Variants in RTN4RL2 observed in about 807,000 individuals in gnomAD.
The protein encoded by RTN4RL2 is reticulon-4 receptor-like 2.
RTN4RL2 carries 9 observed loss-of-function variants against 27.8 expected under a neutral mutation model. That is an observed-to-expected ratio of 0.32 (90% CI 0.20 to 0.57). RTN4RL2 has a LOEUF of 0.57. Among genes scored for constraint, RTN4RL2 ranks in the 20% least tolerant of loss-of-function variants. The pLI is 0.90. For missense variants in RTN4RL2, 436 were observed against 596.8 expected (o/e 0.73, Z 2.81); for synonymous variants, 285 against 297.9 (o/e 0.96, Z 0.45).
At chr11:57,465,058 C>T (rs1590730468) in intron 1 of RTN4RL2, among the ~76,000 whole-genome samples, 3 of 152,280 alleles carry the variant, frequency 2.0e-5, no homozygotes, top group South Asian at 4.1e-4. Context: ...ACCGACGCAG[C>T]GCCAGGAGGG....
At position 57,467,580 on chromosome 11, in the gene RTN4RL2, C is replaced by T. The variant is rs748339668; in HGVS notation, c.32-29C>T. 1.9e-6 allele frequency: 3 copies of T among 1,573,738 alleles called. No homozygotes were observed. ...TGGCACTCCTGCCCTGGAAGCCCACCTAGTAAGTTCTGCTTCCCCTCCCCA... is the reference window on the plus strand; with the variant it reads ...TGGCACTCCTGCCCTGGAAGCCCACTTAGTAAGTTCTGCTTCCCCTCCCCA... On this transcript the variant is annotated intron_variant, in intron 1 of 2. Transcript: ENST00000335099. The surrounding 1 kb of genome is among the most constrained non-coding windows in gnomAD (Gnocchi z 5.5).
intron 2 of RTN4RL2, among the ~76,000 whole-genome samples, chr11:57,474,953 C>T (rs998706114): frequency 6.6e-6 from 1 of 152,182 alleles, no homozygotes; most frequent in African/African-American, 2.4e-5. Flanking sequence ...AATGTGGCTT[C>T]CTTCCTCTCC....
chr11:57,472,204 G>GT lies in RTN4RL2; in HGVS notation c.514-3955dup, dbSNP rs1554978130. On this transcript the variant is annotated intron_variant, in intron 2 of 2. Transcript: ENST00000335099. ...CATTACAGTGGCCTGCATGGTTTTT[G>GT]TTTGTTTTGTTTTGTTTTGTTTTTG... Among the ~76,000 whole-genome samples, 55 of 124,334 alleles carry GT rather than the reference G, an allele frequency of 4.4e-4. 1 individual carries two copies. In the East Asian group the frequency reaches 0.011, roughly 24 times the overall value. The allele number at this position is 124,334 out of a possible 152,430, so 81.6% of individuals were successfully genotyped here.
At position 57,477,050 on chromosome 11, in the gene RTN4RL2, G is replaced by T. The variant is rs1043380329; in HGVS notation, c.*139G>T. The T allele has an allele frequency of 4.2e-5, 37 of 876,900 alleles. No homozygotes were observed. The East Asian group carries it at 8.7e-4, about 21-fold the overall frequency. 54.3% of individuals were successfully genotyped at this position (876,900 alleles called of 1,614,324 possible). A position where few individuals can be genotyped will look rare whatever the true frequency, so the allele number is the denominator to read the frequency against. On this transcript the variant is annotated 3_prime_UTR_variant, in exon 3 of 3. Transcript: ENST00000335099. Reference sequence around the variant, plus strand: ...CCTCCCAGCTCCTCTCCTCCCCGGGGAGCAGGCCGCCTCTCCTTGCCTGCC... The same window carrying T: ...CCTCCCAGCTCCTCTCCTCCCCGGGTAGCAGGCCGCCTCTCCTTGCCTGCC...
In RTN4RL2 at chr11:57,467,463, C is replaced by T. The variant is rs1271900432; in HGVS notation, c.32-146C>T. The T allele has an allele frequency of 3.5e-5, 48 of 1,362,172 alleles. No individual in the cohort carries two copies. Among genetic ancestry groups the T allele is most frequent in the Non-Finnish European group, 4.7e-5 (47 of 1,008,098 alleles). The allele number at this position is 1,362,172 out of a possible 1,614,324, so 84.4% of individuals were successfully genotyped here. A position where few individuals can be genotyped will look rare whatever the true frequency, so the allele number is the denominator to read the frequency against. On this transcript the variant is annotated intron_variant, in intron 1 of 2. Transcript: ENST00000335099. This position sits in a 1 kb window ranked among gnomAD's most constrained non-coding sequence, Gnocchi z 5.5. ...TCCTGGCCTCAAGCAATCCTCCTGC[C>T]TTGGCCTCCCAAAGTGCTGGGATTA...
intron 1 of RTN4RL2, among the ~76,000 whole-genome samples, chr11:57,464,730 A>G (rs1943509200): frequency 6.6e-6 from 1 of 152,080 alleles, no homozygotes; most frequent in Non-Finnish European, 1.5e-5. Context: ...CTCCAGTTCT[A>G]AGCCCCAAAC....
chr11:57,475,899 C>T (rs1417354304), intron 2 of RTN4RL2, among the ~76,000 whole-genome samples: 1 of 152,214 alleles, frequency 6.6e-6, no homozygotes, highest in Non-Finnish European at 1.5e-5. Context: ...CTCTGCCCCC[C>T]GCCCCACCCC....
rs762141867 is a variant in RTN4RL2 at position 57,462,922 on chromosome 11, C to G, written c.31+2026C>G. Among the ~76,000 whole-genome samples, 4 of 152,360 alleles carry G rather than the reference C, an allele frequency of 2.6e-5. No homozygotes were observed. In the South Asian group the frequency reaches 8.3e-4, roughly 32 times the overall value. On this transcript the variant is annotated intron_variant, in intron 1 of 2. Transcript: ENST00000335099. ...AGAGAGAGCTGGAGTCCCTTCCTTG[C>G]CTTGACCCTGAATAGCCAAACAGAC...
At chr11:57,471,734 G>A (rs1328742638) in intron 2 of RTN4RL2, among the ~76,000 whole-genome samples, 1 of 152,256 alleles carries the variant, frequency 6.6e-6, no homozygotes, top group African/African-American at 2.4e-5. Context: ...TATTTACTGA[G>A]TATCTACCAC....
chr11:57,469,237 C>A (rs1943547288), intron 2 of RTN4RL2, among the ~76,000 whole-genome samples: 1 of 152,172 alleles, frequency 6.6e-6, no homozygotes, highest in Non-Finnish European at 1.5e-5. Context: ...CAGAACAGAC[C>A]AAACCCCCTG....
intron 2 of RTN4RL2, among the ~76,000 whole-genome samples, chr11:57,470,073 G>A (rs535610413): frequency 6.6e-6 from 1 of 152,206 alleles, no homozygotes; most frequent in East Asian, 1.9e-4. Context: ...TGGCTACAAG[G>A]GGACAGTACT....
chr11:57,464,708 C>T (rs1258761089), intron 1 of RTN4RL2, among the ~76,000 whole-genome samples: 2 of 152,124 alleles, frequency 1.3e-5, no homozygotes, highest in Admixed American at 6.6e-5. Flanking sequence ...GGGACCTTTG[C>T]GGCTTTGAAA....
intron 2 of RTN4RL2, among the ~76,000 whole-genome samples, chr11:57,470,264 T>C (rs1218249258): frequency 2.6e-5 from 4 of 152,222 alleles, no homozygotes; most frequent in Non-Finnish European, 4.4e-5. Context: ...TCTTTTTTTT[T>C]TGAGACGACG....
chr11:57,468,202 C>A, intron 2 of RTN4RL2, 112 bp downstream of exon 2: 1 of 1,123,468 alleles, frequency 8.9e-7, no homozygotes, highest in Non-Finnish European at 1.3e-6. Flanking sequence ...GCCACCCTTC[C>A]TGCCTCAGCA....
chr11:57,460,990 G>C (rs748519161), intron 1 of RTN4RL2, 94 bp downstream of exon 1: 431 of 750,276 alleles, frequency 5.7e-4, no homozygotes, highest in Non-Finnish European at 7.7e-4. Context: ...CAGTTGGGGA[G>C]GTGGGGTAAC....
At chr11:57,473,009 C>A (rs1379906613) in intron 2 of RTN4RL2, among the ~76,000 whole-genome samples, 1 of 152,170 alleles carries the variant, frequency 6.6e-6, no homozygotes, top group Non-Finnish European at 1.5e-5. Context: ...ATAATAGTAT[C>A]CACCTCATAG....
chr11:57,463,957 G>A (rs1239000759), intron 1 of RTN4RL2, among the ~76,000 whole-genome samples: 1 of 152,190 alleles, frequency 6.6e-6, no homozygotes, highest in Non-Finnish European at 1.5e-5. Flanking sequence ...CTTGCCTCCA[G>A]TGAGAGCCGC....
chr11:57,470,395 G>A (rs1032721894), intron 2 of RTN4RL2, among the ~76,000 whole-genome samples: 1 of 152,088 alleles, frequency 6.6e-6, no homozygotes. Flanking sequence ...TTACAGGCAT[G>A]TGTCACTACA....
intron 1 of RTN4RL2, among the ~76,000 whole-genome samples, chr11:57,466,709 C>A (rs1416643675): frequency 6.6e-6 from 1 of 152,182 alleles, no homozygotes; most frequent in Non-Finnish European, 1.5e-5. Context: ...CAAGACCAGA[C>A]CCCAGAGTGA....
Sources: gnomAD v4.1 joint callset for allele counts (sites outside exome capture counted in the v4.1 genomes callset) on GRCh38, gnomAD v4.1.1 for gene constraint, Gnocchi (gnomAD v3.1) non-coding constraint, MANE v1.5 for transcripts, NCBI Gene and HGNC (gene_info 2026-07-23, HGNC 2026-07-21) for gene names.